GBF1: variants seen among roughly 807,000 people sequenced by gnomAD.
The protein encoded by GBF1 is Golgi-specific brefeldin A-resistance guanine nucleotide exchange factor 1.
In GBF1, 114 loss-of-function variants were observed where a neutral mutation model predicts 210.5. The observed-to-expected ratio is 0.54, with a 90% CI of 0.47 to 0.63. The LOEUF (loss-of-function observed/expected upper bound fraction) is 0.63, where lower values mean the gene tolerates loss of function less well. Ranked by LOEUF, GBF1 falls within the 30% of genes least tolerant of loss-of-function variation. The pLI is 0.00. For missense variants in GBF1, 1,851 were observed against 2,357.7 expected (o/e 0.79, Z 4.45); for synonymous variants, 850 against 889.2 (o/e 0.96, Z 0.78).
chr10:102,369,091 T>C, intron 23 of GBF1, 120 bp from the exon 24 acceptor site: 1 of 758,100 alleles, frequency 1.3e-6, no homozygotes. Flanking sequence ...ACCAGTATTA[T>C]GGGGGATTGA....
chr10:102,273,224 C>A (rs2133326430), intron 3 of GBF1, among the ~76,000 whole-genome samples: 1 of 152,154 alleles, frequency 6.6e-6, no homozygotes, highest in South Asian at 2.1e-4. Flanking sequence ...GCCAGCTACT[C>A]AGGAGGCTGA....
chr10:102,331,885 C>T (rs987222584), intron 3 of GBF1, among the ~76,000 whole-genome samples: 1 of 123,786 alleles, frequency 8.1e-6, no homozygotes, highest in African/African-American at 3.2e-5. Context: ...TTTGAGACAG[C>T]GTCTGGCTCT....
rs1298200688 is a variant in GBF1, at chr10:102,366,260, C to T, written c.2310-123C>T. ...TTAGGGATGAACAGGAGATACTGCC[C>T]CTTTACTAGAGACCTCAGCCTCCTC... On this transcript the variant is annotated intron_variant, in intron 18 of 39. Transcript: ENST00000369983. This position sits in a 1 kb window ranked among gnomAD's most constrained non-coding sequence, Gnocchi z 4.0. 1.1e-6 allele frequency: 1 copy of T among 933,432 alleles called. No individual in the cohort carries two copies. The highest frequency in any genetic ancestry group is 1.6e-5 in the African/African-American group (1 of 61,034). The allele number at this position is 933,432 out of a possible 1,614,324, so 57.8% of individuals were successfully genotyped here.
At chr10:102,306,557 G>A (rs2077895651) in intron 3 of GBF1, among the ~76,000 whole-genome samples, 1 of 152,218 alleles carries the variant, frequency 6.6e-6, no homozygotes, top group Non-Finnish European at 1.5e-5. Flanking sequence ...CCGAGTAGCT[G>A]GGATTACAGG....
chr10:102,236,392 C>T, the GBF1 span, among the ~76,000 whole-genome samples: 2 of 152,342 alleles, frequency 1.3e-5, no homozygotes, highest in East Asian at 1.9e-4. Context: ...TGGAAGGGGG[C>T]TGCCGGCCCC....
At chr10:102,250,488 G>C (rs2071375587) in intron 1 of GBF1, among the ~76,000 whole-genome samples, 1 of 151,522 alleles carries the variant, frequency 6.6e-6, no homozygotes, top group Non-Finnish European at 1.5e-5. Context: ...CTCCCTAGTG[G>C]CTGGAACTAC....
intron 8 of GBF1, among the ~76,000 whole-genome samples, chr10:102,354,047 GC>G (rs998477319): frequency 2.6e-5 from 4 of 152,272 alleles, no homozygotes; most frequent in Middle Eastern, 6.8e-3. Flanking sequence ...ATTAGACTGG[GC>G]TCTTGCTTGT....
intron 3 of GBF1, among the ~76,000 whole-genome samples, chr10:102,332,837 C>T (rs2057434944): frequency 6.6e-6 from 1 of 152,086 alleles, no homozygotes; most frequent in Admixed American, 6.6e-5. Flanking sequence ...AAGTTAATAG[C>T]CCCCTAAGTC....
At chr10:102,280,861 A>C (rs1480543328) in intron 3 of GBF1, among the ~76,000 whole-genome samples, 1 of 152,194 alleles carries the variant, frequency 6.6e-6, no homozygotes, top group African/African-American at 2.4e-5. Flanking sequence ...ATATAGCAGG[A>C]GCAGGATGTC....
intron 4 of GBF1, among the ~76,000 whole-genome samples, chr10:102,344,559 C>T (rs1182609422): frequency 1.3e-5 from 2 of 152,032 alleles, no homozygotes; most frequent in African/African-American, 4.8e-5. Flanking sequence ...CGGCTCACTG[C>T]AAGCTCCACC....
In GBF1 at chr10:102,363,397, G is replaced by T; in HGVS notation, c.2017+1G>T. The T allele has an allele frequency of 1.9e-6, 3 of 1,612,828 alleles. No individual in the cohort carries two copies. The highest frequency in any genetic ancestry group is 2.5e-6 in the Non-Finnish European group (3 of 1,179,230). Reference sequence around the variant, plus strand: ...CTGGAGGAAGCTGTTGACTCTGGGGGTGGGTACTGGGTGTCCATGACCCTA... The same window carrying T: ...CTGGAGGAAGCTGTTGACTCTGGGGTTGGGTACTGGGTGTCCATGACCCTA... On this transcript the variant is annotated splice_donor_variant, in intron 16 of 39. Coordinates refer to ENST00000369983, the MANE Select transcript of GBF1 (RefSeq NM_001377137.1). LOFTEE classifies it high-confidence loss of function. This position sits in a 1 kb window ranked among gnomAD's most constrained non-coding sequence, Gnocchi z 4.2.
rs372383305 is a variant in GBF1, at chr10:102,368,275, G to T, written c.2700G>T (p.Val900=). The part of the protein sequence containing the change: ...EQTGLVRENY[V]WNVLLHRGAT... Reference sequence around the variant, plus strand: ...CAGGCTTGGTTCGGGAGAACTATGTGTGGAATGTGCTGCTTCATCGAGGTG... The same window carrying T: ...CAGGCTTGGTTCGGGAGAACTATGTTTGGAATGTGCTGCTTCATCGAGGTG... The change falls in exon 22 of 40, where the codon GTG becomes GTT. Residue 900 remains valine, a synonymous_variant. Coordinates refer to ENST00000369983, the MANE Select transcript of GBF1 (RefSeq NM_001377137.1). 1.9e-6 allele frequency: 3 copies of T among 1,614,038 alleles called. No homozygotes were observed. The South Asian group carries it at 3.3e-5, about 18-fold the overall frequency.
At chr10:102,232,126 G>A in the GBF1 span, 1 of 1,234,006 alleles carries the variant, frequency 8.1e-7, no homozygotes, top group Non-Finnish European at 1.2e-6. Flanking sequence ...CCAGGGTAAT[G>A]GGGGTAAAAT....
Position 102,376,409 on chromosome 10 carries a change from G to A in GBF1, c.4024G>A (p.Val1342Met). 2 of 1,614,216 alleles carry A rather than the reference G, an allele frequency of 1.2e-6. No individual in the cohort carries two copies. Among genetic ancestry groups the A allele is most frequent in the Non-Finnish European group, 1.7e-6 (2 of 1,180,046 alleles). The part of the protein sequence containing the change: ...KIHRSATDAD[V>M]VNSGWLVVGK... ...ACACCGATCAGCCACAGATGCCGAT[G>A]TGGTCAACAGTGGTTGGTTAGTGGT... Residue 1342 changes from valine (V) to methionine (M), a missense_variant, in exon 31 of 40, where the codon GTG (valine) becomes ATG (methionine). Physicochemically the swap from Val to Met is conservative, Grantham distance 21. Around this residue, in one of 3 missense-constraint regions of GBF1, gnomAD observed 967 missense variants for 1,247.7 expected, o/e 0.78. Coordinates refer to ENST00000369983, the MANE Select transcript of GBF1 (RefSeq NM_001377137.1).
At chr10:102,316,311 T>G (rs966853592) in intron 3 of GBF1, among the ~76,000 whole-genome samples, 1 of 152,160 alleles carries the variant, frequency 6.6e-6, no homozygotes, top group South Asian at 2.1e-4. Flanking sequence ...GGTCTTGAAC[T>G]TCTGACCTCA....
the GBF1 span, among the ~76,000 whole-genome samples, chr10:102,232,720 A>G: frequency 6.6e-6 from 1 of 152,206 alleles, no homozygotes; most frequent in African/African-American, 2.4e-5. Context: ...ATAGCACGCT[A>G]CATACCCTAT....
chr10:102,273,204 G>A (rs1461394708), intron 3 of GBF1, among the ~76,000 whole-genome samples: 1 of 152,066 alleles, frequency 6.6e-6, no homozygotes, highest in Non-Finnish European at 1.5e-5. Context: ...AGCCAGGCAT[G>A]GTGGCACGTG....
At chr10:102,242,993 A>G (rs939438938), upstream of GBF1, among the ~76,000 whole-genome samples, 1 of 151,344 alleles carries the variant, frequency 6.6e-6, no homozygotes, top group Non-Finnish European at 1.5e-5. Flanking sequence ...AAATCTGAGC[A>G]GTCATGTCTT....
At chr10:102,289,952 A>C (rs2076297125) in intron 3 of GBF1, among the ~76,000 whole-genome samples, 1 of 151,990 alleles carries the variant, frequency 6.6e-6, no homozygotes, top group South Asian at 2.1e-4. Flanking sequence ...TGTACAAAAA[A>C]AAATTTTAAT....
Sources: allele counts gnomAD v4.1 joint callset (sites outside exome capture counted in the v4.1 genomes callset), GRCh38; gene constraint gnomAD v4.1.1; regional missense constraint gnomAD v4.1.1; non-coding constraint Gnocchi (gnomAD v3.1); transcripts MANE v1.5; gene names NCBI Gene and HGNC (gene_info 2026-07-23, HGNC 2026-07-21).